DNAH9: variants seen among roughly 807,000 people sequenced by gnomAD.
DNAH9 encodes the protein dynein axonemal heavy chain 9.
Under a neutral mutation model 471.6 loss-of-function variants are expected in DNAH9, and 345 were observed. The ratio of observed to expected loss-of-function variants is 0.73; its 90% CI spans 0.67 to 0.80. The LOEUF (loss-of-function observed/expected upper bound fraction) is 0.80. Ranked by LOEUF, DNAH9 falls within the 30% of genes least tolerant of loss-of-function variation. DNAH9 has a pLI of 0.00. For missense variants in DNAH9, 5,407 were observed against 5,609.2 expected (o/e 0.96, Z 1.15); for synonymous variants, 2,093 against 2,123.6 (o/e 0.99, Z 0.40).
Position 11,886,823 on chromosome 17 carries a change from A to C in DNAH9, c.10972-2A>C. ...GTGGGCTGCTGTTTATTTTTCCAAC[A>C]GGTCCAGGAGGCCAAGGTGACTGAA... is the stretch of plus-strand genomic sequence containing the variant. On this transcript the variant is annotated splice_acceptor_variant, in intron 56 of 68. Transcript: ENST00000262442. LOFTEE classifies it high-confidence loss of function. 6.2e-7 allele frequency: 1 copy of C among 1,603,964 alleles called. No individual in the cohort carries two copies. Among genetic ancestry groups the C allele is most frequent in the Non-Finnish European group, 8.5e-7 (1 of 1,174,838 alleles).
At position 11,880,128 on chromosome 17, in the gene DNAH9, T is replaced by C. The variant is rs1343033350; in HGVS notation, c.10529T>C (p.Ile3510Thr). 3 of 1,614,030 alleles carry C rather than the reference T, an allele frequency of 1.9e-6. No homozygotes were observed. The highest frequency in any genetic ancestry group is 1.7e-5 in the Admixed American group (1 of 59,998). The change falls in exon 54 of 69, where the codon ATT (isoleucine) becomes ACT (threonine). Residue 3510 changes from isoleucine (I) to threonine (T), a missense_variant. Coordinates refer to ENST00000262442, the MANE Select transcript of DNAH9 (RefSeq NM_001372.4). ...CTGGAAGCTGGAGCTGTGGTGCTGA[T>C]TGAAAATCTAGAGGAGTCCATTGAT... ...QALEAGAVVL[I>T]ENLEESIDPV...
intron 68 of DNAH9, among the ~76,000 whole-genome samples, chr17:11,967,572 A>G (rs1348990521): frequency 6.6e-6 from 1 of 152,242 alleles, no homozygotes; most frequent in Non-Finnish European, 1.5e-5. Context: ...AGCAGATTCT[A>G]CTTAATCAGT....
At chr17:11,798,853 C>T (rs984135909) in intron 43 of DNAH9, among the ~76,000 whole-genome samples, 65 of 152,230 alleles carry the variant, frequency 4.3e-4, no homozygotes, top group African/African-American at 1.4e-3. Context: ...AGTAAGTAAC[C>T]TCCTTACCCC....
chr17:11,603,401 G>A (rs996856607), intron 1 of DNAH9, among the ~76,000 whole-genome samples: 5 of 152,130 alleles, frequency 3.3e-5, no homozygotes, highest in African/African-American at 1.2e-4. Context: ...AAACGGAAAC[G>A]AGAATAACAA....
At chr17:11,934,925 C>G (rs1469233532) in intron 65 of DNAH9, among the ~76,000 whole-genome samples, 1 of 152,132 alleles carries the variant, frequency 6.6e-6, no homozygotes, top group South Asian at 2.1e-4. Context: ...AGGCACATAC[C>G]GCATACGTAT....
rs1342789978 is a variant in DNAH9, at chr17:11,694,732, CTTTCTTTCTT to C, written c.4872+287_4872+296del. 1.1e-3 allele frequency among the ~76,000 whole-genome samples: 4 copies of C among 3,674 alleles called. 2 individuals are homozygous for C. Among genetic ancestry groups the C allele is most frequent in the Admixed American group, 7.4e-3 (2 of 272 alleles). The allele number at this position is 3,674 out of a possible 152,430, so 2.4% of individuals were successfully genotyped here. On this transcript the variant is annotated intron_variant, in intron 22 of 68. Coordinates refer to ENST00000262442, the MANE Select transcript of DNAH9 (RefSeq NM_001372.4). ...TCTCTCTCTCTCTCTCTCTCTTTCT[CTTTCTTTCTT>C]TCTTTCTTTCCTTCCTTCCTTCCTT...
chr17:11,818,148 G>A (rs1390929642), intron 45 of DNAH9, among the ~76,000 whole-genome samples: 1 of 152,172 alleles, frequency 6.6e-6, no homozygotes, highest in Non-Finnish European at 1.5e-5. Flanking sequence ...AAAGTGGGAT[G>A]GGCCGGGCGT....
chr17:11,600,265 A>G (rs971269836), intron 1 of DNAH9, among the ~76,000 whole-genome samples: 14 of 152,202 alleles, frequency 9.2e-5, no homozygotes, highest in African/African-American at 3.1e-4. Context: ...TCAGAGGAGA[A>G]AGACAGGCCT....
intron 32 of DNAH9, among the ~76,000 whole-genome samples, chr17:11,748,951 G>A (rs1967023567): frequency 6.6e-6 from 1 of 151,520 alleles, no homozygotes; most frequent in Admixed American, 6.6e-5. Flanking sequence ...AACAACCAGA[G>A]TCTAATTTTT....
rs1251358669 is a variant in DNAH9 at position 11,627,417 on chromosome 17, A to G, written c.1351-2000A>G. On this transcript the variant is annotated intron_variant, in intron 6 of 68. Coordinates refer to ENST00000262442, the MANE Select transcript of DNAH9 (RefSeq NM_001372.4). ...CAACGCATCTACCTTTTAAAATGGT[A>G]CGAAGTATTTCCTAGAAATTGAAAT... Among the ~76,000 whole-genome samples the G allele has an allele frequency of 2.0e-5, 3 of 152,318 alleles. No homozygotes were observed. The East Asian group carries it at 5.8e-4, about 29-fold the overall frequency.
chr17:11,881,391 G>A lies in DNAH9; in HGVS notation c.10784G>A (p.Arg3595Lys). 1.2e-6 allele frequency: 2 copies of A among 1,613,296 alleles called. No homozygotes were observed. Among genetic ancestry groups the A allele is most frequent in the Non-Finnish European group, 1.7e-6 (2 of 1,179,798 alleles). The change falls in exon 55 of 69, where the codon AGG becomes AAG. Residue 3595 changes from arginine to lysine, a missense_variant. Arg to Lys is a conservative substitution (Grantham distance 26). Transcript: ENST00000262442. ...QLLAAVVSME[R>K]PDLEQLKSDL... ...CTGGCCGCTGTGGTCAGCATGGAGA[G>A]GCCAGACTTGGAGCAGCTGAAGGTG...
In DNAH9 at chr17:11,608,342, T is replaced by C; in HGVS notation, c.614+17T>C. 6.3e-7 allele frequency: 1 copy of C among 1,574,828 alleles called. No individual in the cohort carries two copies. Among genetic ancestry groups the C allele is most frequent in the Non-Finnish European group, 8.6e-7 (1 of 1,156,428 alleles). On this transcript the variant is annotated intron_variant, in intron 2 of 68. Transcript: ENST00000262442. The stretch of plus-strand genomic sequence containing the variant: ...TGAGACAGTGTAAGTACCGCCAGCC[T>C]GGCCATATGGGCCTCTGAGATATGG...
chr17:11,660,641 A>T (rs2073744873), intron 14 of DNAH9, among the ~76,000 whole-genome samples: 1 of 151,890 alleles, frequency 6.6e-6, no homozygotes, highest in Admixed American at 6.6e-5. Flanking sequence ...AACTTATTTT[A>T]CTCAATGGTC....
At chr17:11,958,464 A>AATG in intron 67 of DNAH9, among the ~76,000 whole-genome samples, 1 of 152,348 alleles carries the variant, frequency 6.6e-6, no homozygotes, top group Middle Eastern at 3.4e-3. Flanking sequence ...ATTAAACTGT[A>AATG]ATGATACAAT....
chr17:11,792,429 AACAAGC>A (rs1969098135), intron 41 of DNAH9, among the ~76,000 whole-genome samples: 1 of 152,248 alleles, frequency 6.6e-6, no homozygotes, highest in Admixed American at 6.5e-5. Context: ...AAGCAATGAG[AACAAGC>A]ACAGACATAG....
At chr17:11,877,718 C>G (rs1597779260) in intron 53 of DNAH9, among the ~76,000 whole-genome samples, 1 of 152,162 alleles carries the variant, frequency 6.6e-6, no homozygotes, top group East Asian at 1.9e-4. Context: ...ATTATAAATG[C>G]ATCCATCTTA....
chr17:11,835,534 C>T (rs1333039641), intron 49 of DNAH9, among the ~76,000 whole-genome samples: 3 of 152,170 alleles, frequency 2.0e-5, no homozygotes, highest in East Asian at 1.9e-4. Context: ...TTTCTTTTCT[C>T]ATTTTTCACA....
In DNAH9 at chr17:11,598,552, A is replaced by C; in HGVS notation, c.54A>C (p.Glu18Asp). The C allele has an allele frequency of 1.4e-6, 2 of 1,408,582 alleles. No homozygotes were observed. Among genetic ancestry groups the C allele is most frequent in the Non-Finnish European group, 1.8e-6 (2 of 1,089,394 alleles). The allele number at this position is 1,408,582 out of a possible 1,614,324, so 87.3% of individuals were successfully genotyped here. A position where few individuals can be genotyped will look rare whatever the true frequency, so the allele number is the denominator to read the frequency against. ...TCGCGGCGGAGAACGCGGATGGGGA[A>C]CCCGGCGCCGACCGACGACTGCGAC... is the stretch of plus-strand genomic sequence containing the variant. ...AALAAENADGEPGADRRLRLL... is the reference protein window; with the variant it reads ...AALAAENADGDPGADRRLRLL... Residue 18 changes from glutamate (E) to aspartate (D), a missense_variant, in exon 1 of 69, where the codon GAA becomes GAC. Coordinates refer to ENST00000262442, the MANE Select transcript of DNAH9 (RefSeq NM_001372.4).
At chr17:11,617,739 A>G in intron 5 of DNAH9, 117 bp downstream of exon 5, 1 of 708,252 alleles carries the variant, frequency 1.4e-6, no homozygotes, top group Non-Finnish European at 2.4e-6. Flanking sequence ...TGTTCCAAAG[A>G]GTTCTTACAC....
Sources: gnomAD v4.1 joint callset for allele counts (sites outside exome capture counted in the v4.1 genomes callset) on GRCh38, gnomAD v4.1.1 for gene constraint, MANE v1.5 for transcripts, NCBI Gene and HGNC (gene_info 2026-07-23, HGNC 2026-07-21) for gene names.